Variants in APBB2 observed in about 807,000 individuals in gnomAD.
APBB2 encodes the protein Fe65-like 1.
APBB2 carries 38 observed loss-of-function variants against 82.5 expected under a neutral mutation model. The ratio of observed to expected loss-of-function variants is 0.46; its 90% CI spans 0.36 to 0.60. The LOEUF (loss-of-function observed/expected upper bound fraction) is 0.60. Ranked by LOEUF, APBB2 falls within the 20% of genes least tolerant of loss-of-function variation. APBB2 has a pLI of 0.00. For missense variants in APBB2, 772 were observed against 972.3 expected, an observed-to-expected ratio of 0.79 and a Z score of 2.74; for synonymous variants, 341 against 368.2, an observed-to-expected ratio of 0.93 and a Z score of 0.85.
intron 6 of APBB2, among the ~76,000 whole-genome samples, chr4:40,996,466 C>A (rs796265731): frequency 5.3e-5 from 8 of 152,214 alleles, no homozygotes; most frequent in African/African-American, 1.9e-4. Flanking sequence ...AATTTGGTGT[C>A]CAGGTGACAA....
chr4:41,121,779 G>A (rs1281386072), intron 2 of APBB2, among the ~76,000 whole-genome samples: 1 of 152,156 alleles, frequency 6.6e-6, no homozygotes, highest in Non-Finnish European at 1.5e-5. Context: ...CTAGGAGTGG[G>A]AGGAGCTTGG....
chr4:40,994,691 A>G (rs1391125105), intron 6 of APBB2, among the ~76,000 whole-genome samples: 3 of 150,950 alleles, frequency 2.0e-5, no homozygotes. Context: ...GCACATGCCT[A>G]TAGTCCCAGC....
intron 10 of APBB2, among the ~76,000 whole-genome samples, chr4:40,933,567 G>A (rs1364790518): frequency 6.6e-6 from 1 of 152,164 alleles, no homozygotes; most frequent in Non-Finnish European, 1.5e-5. Flanking sequence ...CCAATCCCAA[G>A]ATACCCAGGG....
chr4:40,932,540 A>G (rs1784447811), intron 10 of APBB2, among the ~76,000 whole-genome samples: 1 of 152,228 alleles, frequency 6.6e-6, no homozygotes, highest in Non-Finnish European at 1.5e-5. Context: ...AGTGCTACTA[A>G]GAAAACCTAT....
chr4:41,109,384 G>A (rs1420160202), intron 2 of APBB2, among the ~76,000 whole-genome samples: 6 of 151,760 alleles, frequency 4.0e-5, no homozygotes, highest in Middle Eastern at 3.4e-3. Flanking sequence ...TCCACCTCCC[G>A]GGTTCAAGCA....
chr4:41,105,265 A>C (rs995164442), intron 2 of APBB2, among the ~76,000 whole-genome samples: 2 of 152,200 alleles, frequency 1.3e-5, no homozygotes, highest in Admixed American at 1.3e-4. Flanking sequence ...CCGATGAAAA[A>C]CAAAAACAAA....
intron 6 of APBB2, among the ~76,000 whole-genome samples, chr4:40,999,690 A>C (rs895533128): frequency 2.6e-5 from 4 of 152,194 alleles, no homozygotes; most frequent in African/African-American, 7.2e-5. Flanking sequence ...AGACCTACTG[A>C]ATCAGTGTCT....
At chr4:41,165,188 T>C (rs1008639768) in intron 1 of APBB2, among the ~76,000 whole-genome samples, 1 of 147,114 alleles carries the variant, frequency 6.8e-6, no homozygotes, top group Non-Finnish European at 1.5e-5. Flanking sequence ...TGTGCCATTG[T>C]AGCGGTGTAG....
At chr4:41,178,197 C>T (rs549449367) in intron 1 of APBB2, among the ~76,000 whole-genome samples, 2 of 152,222 alleles carry the variant, frequency 1.3e-5, no homozygotes, top group Non-Finnish European at 2.9e-5. Context: ...CAAGACAATT[C>T]CAAGTAAAGA....
At chr4:40,859,698 A>G (rs1454713182) in intron 12 of APBB2, among the ~76,000 whole-genome samples, 1 of 152,210 alleles carries the variant, frequency 6.6e-6, no homozygotes, top group Non-Finnish European at 1.5e-5. Context: ...AATGCAGATA[A>G]AGTCTATAAT....
intron 1 of APBB2, among the ~76,000 whole-genome samples, chr4:41,176,494 C>T (rs185075029): frequency 1.3e-5 from 2 of 152,116 alleles, no homozygotes; most frequent in East Asian, 3.9e-4. Flanking sequence ...CCCCCACCTA[C>T]CAGCCCAAAG....
chr4:40,880,939 G>A, intron 12 of APBB2: 1 of 980,324 alleles, frequency 1.0e-6, no homozygotes, highest in Non-Finnish European at 1.2e-6. Context: ...ACAGGGACAG[G>A]ACCGCCATGA....
In APBB2 at chr4:40,815,251, G is replaced by GC. The variant is rs1336575473; in HGVS notation, c.*840dup. ...CATCTTAATGTTTATGTAGAGAATG[G>GC]CCATAGTGAACTATAATTCTCTAGC... On this transcript the variant is annotated 3_prime_UTR_variant, in exon 18 of 18. Transcript: ENST00000508593. 1 of 152,582 alleles carries GC rather than the reference G, an allele frequency of 6.6e-6. No individual in the cohort carries two copies. The highest frequency in any genetic ancestry group is 2.4e-5 in the African/African-American group (1 of 41,410). The allele number at this position is 152,582 out of a possible 1,614,324, so 9.5% of individuals were successfully genotyped here.
intron 6 of APBB2, among the ~76,000 whole-genome samples, chr4:40,945,905 G>A (rs569128088): frequency 2.0e-5 from 3 of 152,312 alleles, no homozygotes; most frequent in South Asian, 2.1e-4. Flanking sequence ...ACTGTGCCTG[G>A]CCAATACTCT....
chr4:41,124,304 C>T (rs1447979419), intron 2 of APBB2, among the ~76,000 whole-genome samples: 3 of 152,096 alleles, frequency 2.0e-5, no homozygotes, highest in Non-Finnish European at 2.9e-5. Context: ...CTGCAAGCTC[C>T]GCCTCCCGCA....
At position 40,832,405 on chromosome 4, in the gene APBB2, C is replaced by T. The variant is rs1189771351; in HGVS notation, c.1530-1828G>A. ...CACCTCACCTGGCTGCCCCATGACG[C>T]TTTAATCACCGGCAATCCACACATG... On this transcript the variant is annotated intron_variant, in intron 12 of 17. Transcript: ENST00000508593. The surrounding 1 kb of genome is among the most constrained non-coding windows in gnomAD (Gnocchi z 4.8). 2.0e-5 allele frequency among the ~76,000 whole-genome samples: 3 copies of T among 152,296 alleles called. No individual in the cohort carries two copies. Among genetic ancestry groups the T allele is most frequent in the Non-Finnish European group, 4.4e-5 (3 of 68,016 alleles).
At chr4:41,021,553 T>C (rs1054273496) in intron 5 of APBB2, among the ~76,000 whole-genome samples, 1 of 152,170 alleles carries the variant, frequency 6.6e-6, no homozygotes, top group African/African-American at 2.4e-5. Flanking sequence ...CAGCACTCTG[T>C]AAAAACGCAC....
At chr4:40,911,089 G>C (rs1470329850) in intron 10 of APBB2, among the ~76,000 whole-genome samples, 2 of 152,206 alleles carry the variant, frequency 1.3e-5, no homozygotes, top group Admixed American at 6.5e-5. Flanking sequence ...ACATGGAAAC[G>C]ACAGACATAG....
intron 13 of APBB2, 48 bp downstream of exon 13, chr4:40,830,415 G>T: frequency 7.5e-7 from 1 of 1,339,986 alleles, no homozygotes; most frequent in Non-Finnish European, 1.1e-6. Flanking sequence ...CTTTTATGCA[G>T]CAAGAAAAAA....
Sources: gnomAD v4.1 joint callset for allele counts (sites outside exome capture counted in the v4.1 genomes callset) on GRCh38, gnomAD v4.1.1 for gene constraint, Gnocchi (gnomAD v3.1) non-coding constraint, MANE v1.5 for transcripts, NCBI Gene and HGNC (gene_info 2026-07-23, HGNC 2026-07-21) for gene names.